SLFN12L: variants seen among roughly 807,000 people sequenced by gnomAD.
SLFN12L encodes schlafen family member 12 like, also known as schlafen family member 12-like.
Under a neutral mutation model 34.8 loss-of-function variants are expected in SLFN12L, and 34 were observed. The ratio of observed to expected loss-of-function variants is 0.98; its 90% confidence interval spans 0.74 to 1.30. The LOEUF is 1.30. Among genes scored for constraint, SLFN12L ranks in the 50% most tolerant of loss-of-function variants. The pLI is 0.00. For synonymous variants in SLFN12L, 259 were observed against 247.5 expected, an observed-to-expected ratio of 1.05 and a Z score of -0.44; for missense variants, 703 against 696.2, an observed-to-expected ratio of 1.01 and a Z score of -0.11.
At chr17:35,520,781 A>G (rs1451740290) in intron 2 of SLFN12L, among the ~76,000 whole-genome samples, 1 of 152,052 alleles carries the variant, frequency 6.6e-6, no homozygotes. Context: ...AAAAGTGACC[A>G]TGGGACACTA....
chr17:35,479,171 C>T lies in SLFN12L; in HGVS notation c.1111G>A (p.Val371Ile), dbSNP rs569702581. The T allele has an allele frequency of 1.3e-6, 2 of 1,576,516 alleles. No individual in the cohort carries two copies. The highest frequency in any genetic ancestry group is 1.3e-5 in the African/African-American group (1 of 74,174). ...PDSWHVKDNRVKQLTEKEWIQ... is the reference protein window; with the variant it reads ...PDSWHVKDNRIKQLTEKEWIQ... Reference sequence around the variant, plus strand: ...CATTCCTTCTCGGTCAACTGCTTAACTCTGTTATCTTTCACGTGCCAGGAA... The same window carrying T: ...CATTCCTTCTCGGTCAACTGCTTAATTCTGTTATCTTTCACGTGCCAGGAA... The change falls in exon 3 of 5, where the codon GTT becomes ATT. Residue 371 changes from valine (V) to isoleucine (I), a missense_variant. Coordinates refer to ENST00000628453, the MANE Select transcript of SLFN12L (RefSeq NM_001363830.2).
chr17:35,497,553 T>G (rs1394855629), intron 2 of SLFN12L, among the ~76,000 whole-genome samples: 1 of 152,226 alleles, frequency 6.6e-6, no homozygotes, highest in East Asian at 1.9e-4. Context: ...ATTTCCATTA[T>G]AACCCAATTT....
intron 2 of SLFN12L, chr17:35,499,047 A>G (rs1915198868): frequency 2.5e-6 from 2 of 786,310 alleles, no homozygotes; most frequent in Non-Finnish European, 2.2e-6. Flanking sequence ...CCCTGATAGC[A>G]AGCTGCTTGC....
intron 2 of SLFN12L, among the ~76,000 whole-genome samples, chr17:35,484,785 T>A (rs954322725): frequency 3.9e-5 from 6 of 152,214 alleles, no homozygotes; most frequent in African/African-American, 1.4e-4. Flanking sequence ...TTTGGGTTTA[T>A]TCAAATTGTT....
intron 2 of SLFN12L, chr17:35,490,418 G>A: frequency 4.9e-6 from 6 of 1,230,402 alleles, no homozygotes; most frequent in South Asian, 1.2e-5. Context: ...TCACCCGATG[G>A]GGTCTTGGTT....
intron 2 of SLFN12L, among the ~76,000 whole-genome samples, chr17:35,519,643 G>A (rs996243744): frequency 6.6e-6 from 1 of 152,152 alleles, no homozygotes; most frequent in East Asian, 1.9e-4. Flanking sequence ...ACACCTGAGG[G>A]AGGAAAAGTA....
intron 2 of SLFN12L, among the ~76,000 whole-genome samples, chr17:35,480,993 A>G (rs916928817): frequency 5.9e-5 from 9 of 152,190 alleles, no homozygotes; most frequent in African/African-American, 1.9e-4. Context: ...CAATATTATA[A>G]TAATCTTTGT....
chr17:35,516,872 A>G (rs917114121), intron 2 of SLFN12L, among the ~76,000 whole-genome samples: 2 of 152,256 alleles, frequency 1.3e-5, no homozygotes, highest in South Asian at 4.1e-4. Context: ...TCAACTAAAT[A>G]TTTCCAAAAT....
chr17:35,524,868 G>A (rs1337301393), intron 1 of SLFN12L, among the ~76,000 whole-genome samples: 1 of 152,060 alleles, frequency 6.6e-6, no homozygotes, highest in Non-Finnish European at 1.5e-5. Context: ...TTGACAAATT[G>A]ACAGACGTAG....
intron 1 of SLFN12L, among the ~76,000 whole-genome samples, chr17:35,529,794 G>A (rs1469708682): frequency 6.6e-6 from 1 of 151,964 alleles, no homozygotes; most frequent in Non-Finnish European, 1.5e-5. Flanking sequence ...GAATACCTAT[G>A]TAACAAACCT....
intron 2 of SLFN12L, among the ~76,000 whole-genome samples, chr17:35,509,630 C>T (rs1915572175): frequency 6.6e-6 from 1 of 151,746 alleles, no homozygotes; most frequent in Non-Finnish European, 1.5e-5. Context: ...TTATTTTTTC[C>T]TTGTAGAACG....
At position 35,472,402 on chromosome 17, in the gene SLFN12L, T is replaced by C. The variant is rs1447847966; in HGVS notation, c.*2521A>G. The stretch of plus-strand genomic sequence containing the variant: ...TATTGAATAGAAGATCCTTTCCCCA[T>C]TGCTTGTTTTTGTCAAGTTTGTAGA... On this transcript the variant is annotated 3_prime_UTR_variant, in exon 5 of 5. Coordinates refer to ENST00000628453, the MANE Select transcript of SLFN12L (RefSeq NM_001363830.2). Among the ~76,000 whole-genome samples, 1 of 152,192 alleles carries C rather than the reference T, an allele frequency of 6.6e-6. No individual in the cohort carries two copies. The highest frequency in any genetic ancestry group is 1.5e-5 in the Non-Finnish European group (1 of 68,026).
rs1296306392 is a variant in SLFN12L, at chr17:35,495,651, C to T, written c.87-15456G>A. Among the ~76,000 whole-genome samples the T allele has an allele frequency of 2.0e-5, 3 of 151,936 alleles. No individual in the cohort carries two copies. The East Asian group carries it at 5.8e-4, about 29-fold the overall frequency. On this transcript the variant is annotated intron_variant, in intron 2 of 4. Coordinates refer to ENST00000628453, the MANE Select transcript of SLFN12L (RefSeq NM_001363830.2). ...GGTGGGTTGCGGCGCTCAGAAGCTTCGGCCCGCGCCCACCTCCCTACCCCA... is the reference window on the plus strand; with the variant it reads ...GGTGGGTTGCGGCGCTCAGAAGCTTTGGCCCGCGCCCACCTCCCTACCCCA...
intron 2 of SLFN12L, among the ~76,000 whole-genome samples, chr17:35,483,234 G>A (rs1015971191): frequency 3.9e-5 from 6 of 152,280 alleles, no homozygotes; most frequent in African/African-American, 1.2e-4. Flanking sequence ...GGGATGACCT[G>A]CCTACAGAGA....
Position 35,522,586 on chromosome 17 carries a change from T to C in SLFN12L, c.-222A>G, listed in dbSNP as rs1180058996. On this transcript the variant is annotated 5_prime_UTR_variant, in exon 2 of 5. Transcript: ENST00000628453. ...AATGTGCTGGGTGCCTGCAAAACTA[T>C]AGGACGCAGGGTAATCCATCGGAGA... The C allele has an allele frequency of 7.8e-5, 125 of 1,608,456 alleles. 1 individual carries two copies. The highest frequency in any genetic ancestry group is 1.7e-4 in the Middle Eastern group (1 of 6,018).
chr17:35,492,495 G>A (rs996655517), intron 2 of SLFN12L, among the ~76,000 whole-genome samples: 11 of 152,222 alleles, frequency 7.2e-5, no homozygotes, highest in African/African-American at 2.7e-4. Flanking sequence ...CGTTGTGTGA[G>A]TGGCATTTCC....
At position 35,522,708 on chromosome 17, in the gene SLFN12L, C is replaced by T. The variant is rs138447417; in HGVS notation, c.-344G>A. ...CCCCAGTGTAGCCCCCCATGTTCAC[C>T]AGCTTCTGCTTCAAAGTAAGGGCAG... On this transcript the variant is annotated 5_prime_UTR_variant, in exon 2 of 5. Coordinates refer to ENST00000628453, the MANE Select transcript of SLFN12L (RefSeq NM_001363830.2). 2.4e-3 allele frequency: 3,937 copies of T among 1,613,538 alleles called. 24 individuals are homozygous for T. Among genetic ancestry groups the T allele is most frequent in the East Asian group, 0.02 (886 of 44,874 alleles).
intron 2 of SLFN12L, among the ~76,000 whole-genome samples, chr17:35,496,336 G>C (rs1489868028): frequency 6.6e-6 from 1 of 152,098 alleles, no homozygotes; most frequent in South Asian, 2.1e-4. Flanking sequence ...CGACAAGAGT[G>C]AGACCCACTC....
intron 2 of SLFN12L, among the ~76,000 whole-genome samples, chr17:35,492,691 G>A (rs1251459324): frequency 1.3e-5 from 2 of 152,120 alleles, no homozygotes; most frequent in East Asian, 3.8e-4. Context: ...CCAAGTTGGA[G>A]GTTTTGTGTC....
Sources: gnomAD v4.1 joint callset for allele counts (sites outside exome capture counted in the v4.1 genomes callset) on GRCh38, gnomAD v4.1.1 for gene constraint, MANE v1.5 for transcripts, NCBI Gene and HGNC (gene_info 2026-07-23, HGNC 2026-07-21) for gene names.